The following ZBED6 variants were observed in gnomAD, a reference collection of about 807,000 sequenced individuals.
The protein encoded by ZBED6 is zinc finger BED domain-containing protein 6.
A neutral mutation model predicts 58.4 loss-of-function variants in ZBED6; 40 were observed. The observed-to-expected ratio is 0.68, with a 90% CI of 0.53 to 0.89. ZBED6 has a LOEUF of 0.89. Ranked by LOEUF, ZBED6 falls within the 40% of genes least tolerant of loss-of-function variation. ZBED6 has a pLI of 0.00. For missense variants in ZBED6, 1,057 were observed against 1,003.9 expected, an observed-to-expected ratio of 1.05 and a Z score of -0.71; for synonymous variants, 439 against 350.6, an observed-to-expected ratio of 1.25 and a Z score of -2.82.
chr1:203,814,832 A>C (rs1311136680), intron 1 of ZBED6: 1 of 151,982 alleles, frequency 6.6e-6, no homozygotes, highest in Non-Finnish European at 1.5e-5. Flanking sequence ...ATTTTTTTAA[A>C]TCATTTGTTT....
At chr1:203,830,135 A>C (rs1380963107) in exon 7 of ZBED6, 1 of 1,595,280 alleles carries the variant, frequency 6.3e-7, no homozygotes, top group Non-Finnish European at 8.5e-7. Context: ...GAATGTTTGA[A>C]TTTTGGAATA....
intron 7 of ZBED6, 59 bp downstream of exon 7, chr1:203,830,262 C>T (rs531621947): frequency 5.7e-5 from 78 of 1,367,990 alleles, no homozygotes; most frequent in Middle Eastern, 3.7e-4. Context: ...ATACTAAGGA[C>T]GCTTCTAGAA....
At chr1:203,845,063 A>G (rs1463889201) in intron 11 of ZBED6, among the ~76,000 whole-genome samples, 2 of 151,952 alleles carry the variant, frequency 1.3e-5, no homozygotes, top group East Asian at 3.9e-4. Context: ...TAGTTAACCC[A>G]AGTTTGACAG....
At chr1:203,796,221 C>G in exon 1 of ZBED6, 1 of 391,028 alleles carries the variant, frequency 2.6e-6, no homozygotes, top group Non-Finnish European at 4.5e-6. Context: ...TCTAGTTGAG[C>G]GGACCCTCAC....
chr1:203,823,774 T>C (rs571305186), intron 3 of ZBED6, among the ~76,000 whole-genome samples: 1 of 152,360 alleles, frequency 6.6e-6, no homozygotes, highest in East Asian at 1.9e-4. Flanking sequence ...GAATTGCTTA[T>C]TGTAGCAATT....
intron 11 of ZBED6, among the ~76,000 whole-genome samples, chr1:203,841,620 C>T (rs1473315161): frequency 5.3e-5 from 8 of 151,836 alleles, no homozygotes; most frequent in Admixed American, 2.6e-4. Flanking sequence ...GTTTTCTATT[C>T]GACAAAACCG....
chr1:203,829,209 G>C (rs1306599091), intron 4 of ZBED6: 3 of 554,758 alleles, frequency 5.4e-6, no homozygotes, highest in Middle Eastern at 4.6e-4. Context: ...GCTTCTTCTA[G>C]TCTTCTGTTG....
intron 1 of ZBED6, among the ~76,000 whole-genome samples, chr1:203,807,068 G>A (rs1019886527): frequency 5.9e-5 from 9 of 151,540 alleles, no homozygotes; most frequent in African/African-American, 2.2e-4. Flanking sequence ...TTTTTATTTA[G>A]AGATGGGGTC....
intron 4 of ZBED6, 61 bp downstream of exon 4, chr1:203,828,483 AAC>A: frequency 6.5e-7 from 1 of 1,540,414 alleles, no homozygotes; most frequent in Non-Finnish European, 8.8e-7. Context: ...CACACTGTAC[AAC>A]AGTACTTTTC....
intron 1 of ZBED6, among the ~76,000 whole-genome samples, chr1:203,815,860 G>A (rs1558107222): frequency 6.6e-6 from 1 of 152,180 alleles, no homozygotes; most frequent in Non-Finnish European, 1.5e-5. Context: ...ATTCTCGTAT[G>A]TGCTTTTGTT....
chr1:203,813,837 T>G (rs1315465879), intron 1 of ZBED6, among the ~76,000 whole-genome samples: 1 of 152,104 alleles, frequency 6.6e-6, no homozygotes, highest in Non-Finnish European at 1.5e-5. Context: ...ACATTCCCTC[T>G]GTACATGTCT....
chr1:203,806,289 A>T, intron 1 of ZBED6: 1 of 240,306 alleles, frequency 4.2e-6, no homozygotes, highest in Non-Finnish European at 8.3e-6. Flanking sequence ...AGGAACCCAT[A>T]CACCTTTTTT....
At chr1:203,799,342 T>A (rs1304846105) in exon 1 of ZBED6, 1 of 705,506 alleles carries the variant, frequency 1.4e-6, no homozygotes, top group Non-Finnish European at 2.6e-6. Flanking sequence ...AATATGTTAG[T>A]GGCTGCCAGG....
chr1:203,849,220 G>T (rs1161063781), intron 13 of ZBED6, among the ~76,000 whole-genome samples: 2 of 152,248 alleles, frequency 1.3e-5, no homozygotes, highest in South Asian at 4.1e-4. Flanking sequence ...GCATGCATGT[G>T]AATTTGTTTA....
At chr1:203,850,558 G>A in exon 15 of ZBED6, 1 of 1,613,982 alleles carries the variant, frequency 6.2e-7, no homozygotes. Context: ...TTAAAGTTGT[G>A]TCATCCCCCA....
At chr1:203,815,216 C>CTTTTTTTTTTTTTTTTTTTTTTTTTTTTT (rs59254922) in intron 1 of ZBED6, among the ~76,000 whole-genome samples, 1 of 97,154 alleles carries the variant, frequency 1.0e-5, no homozygotes, top group South Asian at 3.5e-4. Context: ...CTTTTCTTTT[C>CTTTTTTTTTTTTTTTTTTTTTTTTTTTTT]TTTTTTTTTT....
intron 8 of ZBED6, 40 bp from the exon 9 acceptor site, chr1:203,833,751 A>G (rs1176081727): frequency 1.3e-6 from 2 of 1,583,694 alleles, no homozygotes; most frequent in African/African-American, 1.4e-5. Context: ...ATACAGAAAA[A>G]TTGACTAAGG....
chr1:203,841,092 CAG>C lies in ZBED6; in HGVS notation c.*3741+723_*3741+724del, dbSNP rs538860323. Among the ~76,000 whole-genome samples the C allele has an allele frequency of 2.7e-3, 411 of 151,044 alleles. 4 individuals carry two copies. The highest frequency in any genetic ancestry group is 0.01 in the Middle Eastern group (3 of 288). On this transcript the variant is annotated intron_variant, in intron 11 of 16. Transcript: ENST00000550078. ...CATTGTATCAAGTGAAGAAAGATAA[CAG>C]AGAGCACATACCACTTTTGACCTCC...
At chr1:203,827,493 A>C (rs1680922458) in intron 3 of ZBED6, among the ~76,000 whole-genome samples, 1 of 152,006 alleles carries the variant, frequency 6.6e-6, no homozygotes, top group African/African-American at 2.4e-5. Context: ...ATCCTGGCTA[A>C]CATGGTAAAA....
Sources: allele counts gnomAD v4.1 joint callset (sites outside exome capture counted in the v4.1 genomes callset), GRCh38; gene constraint gnomAD v4.1.1; transcripts MANE v1.5; gene names NCBI Gene and HGNC (gene_info 2026-07-23, HGNC 2026-07-21).